MB21D2: variants seen among roughly 807,000 people sequenced by gnomAD.
The protein encoded by MB21D2 is nucleotidyltransferase MB21D2.
Under a neutral mutation model 33.3 loss-of-function variants are expected in MB21D2, and 9 were observed. The observed-to-expected ratio is 0.27, with a 90% confidence interval of 0.16 to 0.47. MB21D2 has a LOEUF of 0.47. Ranked by LOEUF, MB21D2 falls within the 20% of genes least tolerant of loss-of-function variation. The pLI, the probability that MB21D2 is intolerant of heterozygous loss-of-function variation, is 0.99. For synonymous variants in MB21D2, 241 were observed against 236.3 expected, an observed-to-expected ratio of 1.02 and a Z score of -0.18; for missense variants, 540 against 624.6, an observed-to-expected ratio of 0.86 and a Z score of 1.44.
At position 192,811,416 on chromosome 3, in the gene MB21D2, T is replaced by C. The variant is rs544049859; in HGVS notation, c.212-11766A>G. Among the ~76,000 whole-genome samples, 294 of 152,268 alleles carry C rather than the reference T, an allele frequency of 1.9e-3. 2 individuals are homozygous for C. In the South Asian group the frequency reaches 0.02, roughly 10 times the overall value. ...CAGGCTCAGGTCTGTTAATAATTCT[T>C]GATGACATTACATTTCATATGGACA... On this transcript the variant is annotated intron_variant, in intron 1 of 1. Coordinates refer to ENST00000392452, the MANE Select transcript of MB21D2 (RefSeq NM_178496.4).
intron 1 of MB21D2, among the ~76,000 whole-genome samples, chr3:192,871,585 G>A (rs918341062): frequency 6.6e-6 from 1 of 152,154 alleles, no homozygotes. Context: ...GCAGAGTCAG[G>A]GAAGAAGGTC....
rs1296544101 is a variant in MB21D2 at position 192,878,103 on chromosome 3, G to GTTT, written c.211+39524_211+39526dup. Among the ~76,000 whole-genome samples, 232 of 134,136 alleles carry GTTT rather than the reference G, an allele frequency of 1.7e-3. 1 individual carries two copies. The highest frequency in any genetic ancestry group is 2.5e-3 in the South Asian group (11 of 4,342). 88.0% of individuals were successfully genotyped at this position (134,136 alleles called of 152,430 possible). The stretch of plus-strand genomic sequence containing the variant: ...CCTCTTTTTTTTTTTTTTTTTTTTG[G>GTTT]TTTTTTTTGTTTTTGAGACGGAGTC... On this transcript the variant is annotated intron_variant, in intron 1 of 1. Transcript: ENST00000392452.
chr3:192,841,354 G>A (rs1465148023), intron 1 of MB21D2, among the ~76,000 whole-genome samples: 1 of 152,238 alleles, frequency 6.6e-6, no homozygotes, highest in African/African-American at 2.4e-5. Context: ...TGTATCAAAG[G>A]TAGCAGTCAG....
At chr3:192,857,011 C>T (rs1300817131) in intron 1 of MB21D2, among the ~76,000 whole-genome samples, 1 of 152,130 alleles carries the variant, frequency 6.6e-6, no homozygotes, top group African/African-American at 2.4e-5. Context: ...TCACATACTA[C>T]AGCCAGCAAA....
Position 192,799,332 on chromosome 3 carries a change from T to A in MB21D2, c.530A>T (p.Tyr177Phe), listed in dbSNP as rs747641829. 1.9e-6 allele frequency: 3 copies of A among 1,614,148 alleles called. No individual in the cohort carries two copies. Among genetic ancestry groups the A allele is most frequent in the Non-Finnish European group, 2.5e-6 (3 of 1,180,026 alleles). The change falls in exon 2 of 2, where the codon TAC becomes TTC. Residue 177 changes from tyrosine to phenylalanine, a missense_variant. Transcript: ENST00000392452. The surrounding 1 kb of genome is among the most constrained non-coding windows in gnomAD (Gnocchi z 4.1). Reference protein sequence around the residue: ...IVDHINGATNYFFSPTKVADW... With the variant: ...IVDHINGATNFFFSPTKVADW... ...AGCCACTTTGGTAGGTGAGAAGAAG[T>A]AGTTGGTGGCACCATTGATGTGATC...
At chr3:192,886,106 C>CG (rs1378977921) in intron 1 of MB21D2, among the ~76,000 whole-genome samples, 14 of 152,036 alleles carry the variant, frequency 9.2e-5, no homozygotes, top group Non-Finnish European at 1.9e-4. Context: ...ATTACAGGCG[C>CG]CCACCTCCAT....
Position 192,797,516 on chromosome 3 carries a change from C to G in MB21D2, c.*870G>C, listed in dbSNP as rs771471287. On this transcript the variant is annotated 3_prime_UTR_variant, in exon 2 of 2. Coordinates refer to ENST00000392452, the MANE Select transcript of MB21D2 (RefSeq NM_178496.4). ...GGAGAACTAAGCAAATGCAAAGAAT[C>G]ATTTCACTGATAGAAATGGGCAAAA... is the stretch of plus-strand genomic sequence containing the variant. The G allele has an allele frequency of 6.6e-6, 1 of 152,542 alleles. No homozygotes were observed. The highest frequency in any genetic ancestry group is 6.5e-5 in the Admixed American group (1 of 15,274). The allele number at this position is 152,542 out of a possible 1,614,324, so 9.4% of individuals were successfully genotyped here. A position where few individuals can be genotyped will look rare whatever the true frequency, so the allele number is the denominator to read the frequency against.
intron 1 of MB21D2, among the ~76,000 whole-genome samples, chr3:192,834,807 T>C (rs1033425631): frequency 1.7e-4 from 23 of 137,838 alleles, no homozygotes; most frequent in African/African-American, 6.9e-4. Flanking sequence ...GAGAGGATTG[T>C]TCTTTTTTTT....
At chr3:192,816,676 G>T (rs777818271) in intron 1 of MB21D2, among the ~76,000 whole-genome samples, 1 of 152,160 alleles carries the variant, frequency 6.6e-6, no homozygotes, top group Non-Finnish European at 1.5e-5. Context: ...TCACATCGTC[G>T]TTGGTAAGAT....
At chr3:192,810,182 C>A (rs1192290747) in intron 1 of MB21D2, among the ~76,000 whole-genome samples, 1 of 152,156 alleles carries the variant, frequency 6.6e-6, no homozygotes, top group Non-Finnish European at 1.5e-5. Flanking sequence ...CTGTACAAAA[C>A]CCTTATCGGG....
At chr3:192,819,218 C>T (rs1711992487) in intron 1 of MB21D2, among the ~76,000 whole-genome samples, 1 of 142,538 alleles carries the variant, frequency 7.0e-6, no homozygotes, top group African/African-American at 3.1e-5. Context: ...TGCTAAGGCC[C>T]AGTTATATAT....
chr3:192,864,210 T>C (rs945304901), intron 1 of MB21D2, among the ~76,000 whole-genome samples: 1 of 152,182 alleles, frequency 6.6e-6, no homozygotes, highest in Non-Finnish European at 1.5e-5. Context: ...TTTCTAGGCA[T>C]GTCAAAAGGC....
At chr3:192,863,427 G>A (rs1301519427) in intron 1 of MB21D2, among the ~76,000 whole-genome samples, 1 of 152,180 alleles carries the variant, frequency 6.6e-6, no homozygotes, top group Non-Finnish European at 1.5e-5. Flanking sequence ...TTTCCAAGTG[G>A]GAATTGTGAT....
intron 1 of MB21D2, among the ~76,000 whole-genome samples, chr3:192,861,992 G>C (rs1038618071): frequency 6.6e-6 from 1 of 152,106 alleles, no homozygotes; most frequent in Non-Finnish European, 1.5e-5. Flanking sequence ...GCCAAGCCTT[G>C]GTCTTGTGGC....
intron 1 of MB21D2, among the ~76,000 whole-genome samples, chr3:192,852,710 G>A (rs1411326960): frequency 6.6e-6 from 1 of 152,164 alleles, no homozygotes; most frequent in Non-Finnish European, 1.5e-5. Flanking sequence ...TAATTGAGAG[G>A]TGGATGACTG....
intron 1 of MB21D2, among the ~76,000 whole-genome samples, chr3:192,851,147 G>A (rs1379614928): frequency 6.6e-6 from 1 of 152,126 alleles, no homozygotes; most frequent in Non-Finnish European, 1.5e-5. Context: ...TAAACAAAAT[G>A]AGGTATAGCC....
At chr3:192,809,593 C>T (rs1404255298) in intron 1 of MB21D2, among the ~76,000 whole-genome samples, 2 of 152,188 alleles carry the variant, frequency 1.3e-5, no homozygotes, top group East Asian at 3.9e-4. Context: ...GTATAGGAAA[C>T]AGTAAGTAGA....
chr3:192,912,107 A>C (rs1044753352), intron 1 of MB21D2, among the ~76,000 whole-genome samples: 1 of 152,210 alleles, frequency 6.6e-6, no homozygotes, highest in Non-Finnish European at 1.5e-5. Flanking sequence ...CACCACACCA[A>C]GCATTTACAT....
intron 1 of MB21D2, among the ~76,000 whole-genome samples, chr3:192,901,100 A>T (rs920445752): frequency 2.0e-5 from 3 of 152,160 alleles, no homozygotes; most frequent in African/African-American, 7.2e-5. Context: ...CCGAGATGGC[A>T]GAGAGGATGG....
Sources: allele counts gnomAD v4.1 joint callset (sites outside exome capture counted in the v4.1 genomes callset), GRCh38; gene constraint gnomAD v4.1.1; non-coding constraint Gnocchi (gnomAD v3.1); transcripts MANE v1.5; gene names NCBI Gene and HGNC (gene_info 2026-07-23, HGNC 2026-07-21).